The following MSI2 variants were observed in gnomAD, a reference collection of about 807,000 sequenced individuals.
MSI2 encodes musashi RNA binding protein 2, also known as RNA-binding protein Musashi homolog 2.
In MSI2, 17 loss-of-function variants were observed where a neutral mutation model predicts 45.6. That is an observed-to-expected ratio of 0.37 (90% CI 0.26 to 0.56). MSI2 has a LOEUF of 0.56. Among genes scored for constraint, MSI2 ranks in the 20% least tolerant of loss-of-function variants. The pLI is 0.77. For synonymous variants in MSI2, 156 were observed against 158.2 expected (o/e 0.99, Z 0.11); for missense variants, 293 against 444.2 (o/e 0.66, Z 3.06).
At chr17:57,343,047 T>A (rs1915301324) in intron 5 of MSI2, among the ~76,000 whole-genome samples, 3 of 152,194 alleles carry the variant, frequency 2.0e-5, no homozygotes, top group African/African-American at 4.8e-5. Context: ...CAAAATCTGA[T>A]AGCAGATTTT....
At chr17:57,643,710 A>G (rs1910427070) in intron 10 of MSI2, among the ~76,000 whole-genome samples, 3 of 152,264 alleles carry the variant, frequency 2.0e-5, no homozygotes, top group Non-Finnish European at 4.4e-5. Flanking sequence ...AAGGTTTGAC[A>G]TTGCGATGCA....
At chr17:57,459,856 C>T (rs1309133611) in intron 6 of MSI2, among the ~76,000 whole-genome samples, 5 of 151,792 alleles carry the variant, frequency 3.3e-5, no homozygotes, top group South Asian at 2.1e-4. Context: ...TAGCCGGGCA[C>T]GGTGGCTCAC....
chr17:57,461,316 C>G (rs1331681932), intron 6 of MSI2, among the ~76,000 whole-genome samples: 1 of 152,110 alleles, frequency 6.6e-6, no homozygotes, highest in Non-Finnish European at 1.5e-5. Flanking sequence ...ATTAGTCAAC[C>G]CAAGTCTCAC....
At chr17:57,696,475 C>G in the MSI2 span, among the ~76,000 whole-genome samples, 1 of 152,222 alleles carries the variant, frequency 6.6e-6, no homozygotes, top group Admixed American at 6.5e-5. Flanking sequence ...CTCAGTGGTT[C>G]ATGCTAGCAA....
At chr17:57,367,091 CTAAA>C (rs757788851) in intron 5 of MSI2, among the ~76,000 whole-genome samples, 1 of 152,198 alleles carries the variant, frequency 6.6e-6, no homozygotes. Flanking sequence ...ATAGTGATAT[CTAAA>C]TTAGACTTGC....
rs139210832 is a variant in MSI2 at position 57,551,600 on chromosome 17, A to C, written c.454+21876A>C. Among the ~76,000 whole-genome samples the C allele has an allele frequency of 6.4e-3, 969 of 152,176 alleles. 11 individuals are homozygous for C. Among genetic ancestry groups the C allele is most frequent in the African/African-American group, 0.022 (920 of 41,496 alleles). ...CCCATGGGGTCATGCATGTACACACACTGGTGTTCCCACACCCCCCTCTTC... is the reference window on the plus strand; with the variant it reads ...CCCATGGGGTCATGCATGTACACACCCTGGTGTTCCCACACCCCCCTCTTC... On this transcript the variant is annotated intron_variant, in intron 7 of 13. Transcript: ENST00000284073.
At chr17:57,380,522 C>T (rs34166566) in intron 5 of MSI2, among the ~76,000 whole-genome samples, 69,852 of 151,958 alleles carry the variant, frequency 0.46, 19,220 homozygotes, top group East Asian at 0.67. Flanking sequence ...GAGAGTGAAG[C>T]GGGGGCAAGC....
At chr17:57,687,460 A>G (rs1183051193), downstream of MSI2, among the ~76,000 whole-genome samples, 1 of 152,060 alleles carries the variant, frequency 6.6e-6, no homozygotes, top group Admixed American at 6.5e-5. Context: ...AAAGGAGTTA[A>G]CAGAGAAAAG....
chr17:57,319,437 G>A (rs923895854), intron 5 of MSI2, among the ~76,000 whole-genome samples: 5 of 152,190 alleles, frequency 3.3e-5, no homozygotes, highest in African/African-American at 7.2e-5. Flanking sequence ...ATTTGCACTT[G>A]AAAATCCAGT....
At chr17:57,617,660 G>A (rs1244769957) in intron 9 of MSI2, among the ~76,000 whole-genome samples, 2 of 152,124 alleles carry the variant, frequency 1.3e-5, no homozygotes, top group Non-Finnish European at 2.9e-5. Context: ...AAGGAGAGTT[G>A]AGCTGAGTGC....
At chr17:57,473,639 C>G (rs1043537457) in intron 6 of MSI2, among the ~76,000 whole-genome samples, 6 of 152,338 alleles carry the variant, frequency 3.9e-5, no homozygotes, top group Admixed American at 1.3e-4. Flanking sequence ...AAGCTATGCA[C>G]TGGCCTCTCT....
intron 7 of MSI2, among the ~76,000 whole-genome samples, chr17:57,530,708 C>G (rs185353723): frequency 6.6e-6 from 1 of 152,166 alleles, no homozygotes; most frequent in Admixed American, 6.5e-5. Flanking sequence ...GTTTACATTC[C>G]TGCTGTCACC....
chr17:57,545,929 C>A lies in MSI2; in HGVS notation c.454+16205C>A, dbSNP rs76437319. On this transcript the variant is annotated intron_variant, in intron 7 of 13. Coordinates refer to ENST00000284073, the MANE Select transcript of MSI2 (RefSeq NM_138962.4). ...CGCCTGAAGTGCCATTTGTGAAGAC[C>A]TGGTATTTATTGTCCTAGATTATTG... Among the ~76,000 whole-genome samples the A allele has an allele frequency of 7.3e-3, 1,089 of 149,688 alleles. 14 individuals carry two copies. The highest frequency in any genetic ancestry group is 0.026 in the African/African-American group (1,040 of 40,482).
At chr17:57,299,848 G>C (rs1911286744) in intron 5 of MSI2, among the ~76,000 whole-genome samples, 1 of 152,164 alleles carries the variant, frequency 6.6e-6, no homozygotes, top group Non-Finnish European at 1.5e-5. Flanking sequence ...TATTAGCACA[G>C]TGCAATAAAG....
intron 6 of MSI2, among the ~76,000 whole-genome samples, chr17:57,473,613 G>A (rs987988882): frequency 2.6e-5 from 4 of 152,210 alleles, no homozygotes; most frequent in African/African-American, 9.6e-5. Context: ...TGTTTCTGTG[G>A]GGAGGGTATG....
intron 6 of MSI2, among the ~76,000 whole-genome samples, chr17:57,500,328 G>A (rs1030445871): frequency 2.0e-5 from 3 of 152,142 alleles, no homozygotes; most frequent in Middle Eastern, 3.4e-3. Flanking sequence ...GGTGACCTTT[G>A]GGGGCAGGTG....
chr17:57,559,611 TG>T (rs1451276912), intron 7 of MSI2, among the ~76,000 whole-genome samples: 1 of 152,244 alleles, frequency 6.6e-6, no homozygotes, highest in East Asian at 1.9e-4. Flanking sequence ...AGGCAGGCAC[TG>T]GGGTGAGGGA....
intron 5 of MSI2, among the ~76,000 whole-genome samples, chr17:57,282,760 C>T (rs545295838): frequency 6.1e-5 from 8 of 131,664 alleles, no homozygotes; most frequent in East Asian, 2.3e-4. Flanking sequence ...CTTTTACCTC[C>T]GTGACAAGAT....
At chr17:57,361,077 G>A (rs987043913) in intron 5 of MSI2, among the ~76,000 whole-genome samples, 1 of 152,182 alleles carries the variant, frequency 6.6e-6, no homozygotes, top group African/African-American at 2.4e-5. Context: ...ACTGAGTGGG[G>A]GGTATGTTGT....
Sources: gnomAD v4.1 joint callset for allele counts (sites outside exome capture counted in the v4.1 genomes callset) on GRCh38, gnomAD v4.1.1 for gene constraint, MANE v1.5 for transcripts, NCBI Gene and HGNC (gene_info 2026-07-23, HGNC 2026-07-21) for gene names.